Variants in LMO7 observed in about 807,000 individuals in gnomAD.
The protein encoded by LMO7 is LIM domain only protein 7.
Under a neutral mutation model 206.5 loss-of-function variants are expected in LMO7, and 120 were observed. That is an observed-to-expected ratio of 0.58 (90% CI 0.50 to 0.68). The LOEUF is 0.68. Among genes scored for constraint, LMO7 ranks in the 30% least tolerant of loss-of-function variants. The pLI, the probability that LMO7 is intolerant of heterozygous loss-of-function variation, is 0.00. For missense variants in LMO7, 1,959 were observed against 1,957.9 expected (o/e 1.00, Z -0.01); for synonymous variants, 706 against 681.5 (o/e 1.04, Z -0.56).
At chr13:75,731,365 TC>T (rs2045195935) in intron 3 of LMO7, among the ~76,000 whole-genome samples, 1 of 152,198 alleles carries the variant, frequency 6.6e-6, no homozygotes, top group Non-Finnish European at 1.5e-5. Context: ...GTTGAATTGA[TC>T]CCTTTACCAT....
intron 4 of LMO7, among the ~76,000 whole-genome samples, chr13:75,765,135 T>C (rs1296647578): frequency 6.6e-6 from 1 of 152,146 alleles, no homozygotes; most frequent in Non-Finnish European, 1.5e-5. Flanking sequence ...TTTGTGGTAG[T>C]GCTCTGAAGT....
At chr13:75,853,434 T>G (rs780946568) in intron 28 of LMO7, 46 bp downstream of exon 28, 1 of 1,488,976 alleles carries the variant, frequency 6.7e-7, no homozygotes, top group Admixed American at 2.2e-5. Flanking sequence ...CTTGGGTATT[T>G]TTTCATTAAA....
At chr13:75,731,242 C>T (rs1470496351) in intron 3 of LMO7, among the ~76,000 whole-genome samples, 1 of 152,076 alleles carries the variant, frequency 6.6e-6, no homozygotes, top group Admixed American at 6.5e-5. Flanking sequence ...TAAAGTCTCC[C>T]ATTACTATTG....
At chr13:75,729,443 T>C (rs2044874783) in intron 3 of LMO7, among the ~76,000 whole-genome samples, 1 of 149,108 alleles carries the variant, frequency 6.7e-6, no homozygotes, top group East Asian at 2.0e-4. Flanking sequence ...GTTATTGGTG[T>C]ATAAGAATGC....
intron 1 of LMO7, among the ~76,000 whole-genome samples, chr13:75,687,537 CT>C (rs966004089): frequency 2.0e-5 from 3 of 151,298 alleles, no homozygotes; most frequent in South Asian, 2.1e-4. Context: ...TTCACTCAAA[CT>C]TTTTTTTTCC....
intron 3 of LMO7, among the ~76,000 whole-genome samples, chr13:75,758,872 C>G (rs2139635922): frequency 6.6e-6 from 1 of 152,208 alleles, no homozygotes; most frequent in East Asian, 1.9e-4. Context: ...GGTGTGAAGA[C>G]TTCTAATGGT....
intron 3 of LMO7, among the ~76,000 whole-genome samples, chr13:75,733,758 C>A (rs951678633): frequency 1.3e-5 from 2 of 152,194 alleles, no homozygotes; most frequent in South Asian, 2.1e-4. Context: ...TGTTCCTATT[C>A]GGCCATCTTG....
At position 75,817,185 on chromosome 13, in the gene LMO7, C is replaced by T. The variant is rs775623500; in HGVS notation, c.1971C>T (p.Ser657=). ...GGAGTAAGTCCATGAGTGATGTCAGCGCAGAAGATGTTCAAAACTTGCGTC... is the reference window on the plus strand; with the variant it reads ...GGAGTAAGTCCATGAGTGATGTCAGTGCAGAAGATGTTCAAAACTTGCGTC... ...ENGSKSMSDV[S]AEDVQNLRQL... Residue 657 remains serine (S), a synonymous_variant, in exon 12 of 31, where the codon AGC becomes AGT. Coordinates refer to ENST00000377534, the MANE Select transcript of LMO7 (RefSeq NM_001306080.2). 4.4e-5 allele frequency: 71 copies of T among 1,613,030 alleles called. No homozygotes were observed. Among genetic ancestry groups the T allele is most frequent in the South Asian group, 2.7e-4 (25 of 91,042 alleles).
chr13:75,696,677 C>T (rs1038363649), intron 1 of LMO7, among the ~76,000 whole-genome samples: 20 of 152,066 alleles, frequency 1.3e-4, no homozygotes, highest in Non-Finnish European at 2.8e-4. Flanking sequence ...ATTATTTGCC[C>T]CAAGCTTCCC....
intron 1 of LMO7, among the ~76,000 whole-genome samples, chr13:75,638,049 C>G (rs1198363204): frequency 6.6e-6 from 1 of 152,192 alleles, no homozygotes; most frequent in Non-Finnish European, 1.5e-5. Flanking sequence ...CTTTGAAAAG[C>G]CAAGACTTCC....
In LMO7 at chr13:75,800,873, G is replaced by C; in HGVS notation, c.652G>C (p.Gly218Arg). Reference sequence around the variant, plus strand: ...CTCCTCTGATATCACGTTGAGAGGGGGGCGTGAAGGTGTGTTGTGTTTTGG... The same window carrying C: ...CTCCTCTGATATCACGTTGAGAGGGCGGCGTGAAGGTGTGTTGTGTTTTGG... Reference protein sequence around the residue: ...SCSSDITLRGGREGFESDTDS... With the variant: ...SCSSDITLRGRREGFESDTDS... Residue 218 changes from glycine to arginine, a missense_variant, in exon 7 of 31, where the codon GGG becomes CGG. Coordinates refer to ENST00000377534, the MANE Select transcript of LMO7 (RefSeq NM_001306080.2). 1 of 1,613,864 alleles carries C rather than the reference G, an allele frequency of 6.2e-7. No homozygotes were observed. The highest frequency in any genetic ancestry group is 8.5e-7 in the Non-Finnish European group (1 of 1,179,824).
intron 4 of LMO7, among the ~76,000 whole-genome samples, chr13:75,777,879 T>C (rs1031530845): frequency 1.3e-5 from 2 of 152,080 alleles, no homozygotes; most frequent in African/African-American, 4.8e-5. Context: ...TCTCCTGACC[T>C]CGTGATCCGC....
chr13:75,798,839 AAAG>A (rs2054363018), intron 6 of LMO7, among the ~76,000 whole-genome samples: 1 of 152,226 alleles, frequency 6.6e-6, no homozygotes, highest in Admixed American at 6.5e-5. Context: ...CACCAGGGCC[AAAG>A]GTTATTTTAT....
intron 4 of LMO7, among the ~76,000 whole-genome samples, chr13:75,780,872 C>T (rs1450985716): frequency 2.0e-5 from 3 of 152,162 alleles, no homozygotes; most frequent in African/African-American, 7.2e-5. Context: ...TGACTTCCTG[C>T]AACAATTTTT....
At chr13:75,827,846 A>G (rs2058273234) in intron 15 of LMO7, among the ~76,000 whole-genome samples, 1 of 152,186 alleles carries the variant, frequency 6.6e-6, no homozygotes, top group Non-Finnish European at 1.5e-5. Flanking sequence ...GGAAGGAAGG[A>G]AGGAAGCTTT....
At chr13:75,751,142 T>C (rs1299640520) in intron 3 of LMO7, among the ~76,000 whole-genome samples, 1 of 146,306 alleles carries the variant, frequency 6.8e-6, no homozygotes, top group East Asian at 2.0e-4. Flanking sequence ...CAGCTCTTTT[T>C]TCAGCTCTTT....
chr13:75,621,279 A>C (rs2138633044), exon 1 of LMO7: 1 of 152,508 alleles, frequency 6.6e-6, no homozygotes, highest in African/African-American at 2.4e-5. Flanking sequence ...GTTTCCATGC[A>C]CAGGGGAACT....
intron 4 of LMO7, among the ~76,000 whole-genome samples, chr13:75,785,465 GCAATTATTA>G (rs2052275321): frequency 2.0e-5 from 3 of 151,946 alleles, no homozygotes. Flanking sequence ...ATTAATAAAG[GCAATTATTA>G]CAATTATTAT....
intron 1 of LMO7, among the ~76,000 whole-genome samples, chr13:75,711,816 C>A (rs895985467): frequency 6.6e-6 from 1 of 152,192 alleles, no homozygotes; most frequent in Non-Finnish European, 1.5e-5. Flanking sequence ...GCCTTCAAAA[C>A]GTGTTTTTTC....
Sources: gnomAD v4.1 joint callset for allele counts (sites outside exome capture counted in the v4.1 genomes callset) on GRCh38, gnomAD v4.1.1 for gene constraint, MANE v1.5 for transcripts, NCBI Gene and HGNC (gene_info 2026-07-23, HGNC 2026-07-21) for gene names.